PCDHGB2: variants seen among roughly 807,000 people sequenced by gnomAD.
PCDHGB2 encodes protocadherin gamma subfamily B, 2.
A neutral mutation model predicts 59.3 loss-of-function variants in PCDHGB2; 55 were observed. That is an observed-to-expected ratio of 0.93 (90% confidence interval 0.75 to 1.16). PCDHGB2 has a LOEUF of 1.16. Among genes scored for constraint, PCDHGB2 ranks in the 50% most tolerant of loss-of-function variants. The pLI is 0.00. For synonymous variants in PCDHGB2, 516 were observed against 512.0 expected (o/e 1.01, Z -0.11); for missense variants, 1,228 against 1,198.5 (o/e 1.02, Z -0.36).
At chr5:141,447,230 C>G (rs1309076828) in intron 1 of PCDHGB2, among the ~76,000 whole-genome samples, 1 of 152,132 alleles carries the variant, frequency 6.6e-6, no homozygotes, top group Non-Finnish European at 1.5e-5. Flanking sequence ...ACCTCCGCCT[C>G]CCGGGTTCAA....
intron 1 of PCDHGB2, among the ~76,000 whole-genome samples, chr5:141,434,767 C>T (rs2097715264): frequency 6.6e-6 from 1 of 151,182 alleles, no homozygotes. Flanking sequence ...CCACTTCACA[C>T]TTCTAAAAAA....
At chr5:141,499,686 T>C (rs1400567357) in intron 2 of PCDHGB2, among the ~76,000 whole-genome samples, 2 of 149,346 alleles carry the variant, frequency 1.3e-5, no homozygotes, top group East Asian at 2.0e-4. Context: ...CTTTAACAGA[T>C]GACTTTTTTT....
At chr5:141,404,097 T>C in intron 1 of PCDHGB2, 1 of 1,613,584 alleles carries the variant, frequency 6.2e-7, no homozygotes, top group Non-Finnish European at 8.5e-7. Flanking sequence ...AATGGTCAAG[T>C]TGTCTGTTCT....
chr5:141,413,967 G>C, intron 1 of PCDHGB2: 15 of 1,613,428 alleles, frequency 9.3e-6, no homozygotes, highest in Non-Finnish European at 1.2e-5. Context: ...TGGGCACTCA[G>C]CTGCTGACAG....
intron 1 of PCDHGB2, among the ~76,000 whole-genome samples, chr5:141,482,089 CA>C (rs36035257): frequency 0.43 from 58,297 of 134,322 alleles, 12,050 homozygotes; most frequent in African/African-American, 0.53. Context: ...CACTCCATCT[CA>C]AAAAAAAAAA....
intron 1 of PCDHGB2, chr5:141,393,205 C>A: frequency 6.2e-7 from 1 of 1,613,504 alleles, no homozygotes; most frequent in Non-Finnish European, 8.5e-7. Flanking sequence ...GATAATAACC[C>A]AAAATTCCAG....
chr5:141,482,103 A>C (rs34394498), intron 1 of PCDHGB2, among the ~76,000 whole-genome samples: 2 of 142,250 alleles, frequency 1.4e-5, no homozygotes, highest in Non-Finnish European at 3.0e-5. Flanking sequence ...AAAAAAAAAA[A>C]AATATCTAGA....
rs1481706003 is a variant in PCDHGB2, at chr5:141,491,416, G to A, written c.2422-3391G>A. On this transcript the variant is annotated intron_variant, in intron 1 of 3. Transcript: ENST00000522605. This position sits in a 1 kb window ranked among gnomAD's most constrained non-coding sequence, Gnocchi z 6.9. ...TCAGGGAAACGCAGACGGGGACGGG[G>A]GTGGAGGGCAGTGCTGCAGGCGCCA... 3 of 1,614,138 alleles carry A rather than the reference G, an allele frequency of 1.9e-6. No homozygotes were observed. The highest frequency in any genetic ancestry group is 2.2e-5 in the East Asian group (1 of 44,874).
In PCDHGB2 at chr5:141,494,748, C is replaced by T. The variant is rs566281527; in HGVS notation, c.2422-59C>T. On this transcript the variant is annotated intron_variant, in intron 1 of 3. Coordinates refer to ENST00000522605, the MANE Select transcript of PCDHGB2 (RefSeq NM_018923.3). ...CTCTCCCGGCCCATCCCTAGGGGCTCGGGTGACATTCTAACTTCTCACGGG... is the reference window on the plus strand; with the variant it reads ...CTCTCCCGGCCCATCCCTAGGGGCTTGGGTGACATTCTAACTTCTCACGGG... 1.4e-5 allele frequency: 22 copies of T among 1,613,104 alleles called. No individual in the cohort carries two copies. The East Asian group carries it at 4.2e-4, about 31-fold the overall frequency.
At chr5:141,366,829 T>A in intron 1 of PCDHGB2, 1 of 1,527,578 alleles carries the variant, frequency 6.5e-7, no homozygotes, top group Non-Finnish European at 8.8e-7. Flanking sequence ...ATATTCAGAA[T>A]CAGCTAGTTA....
intron 1 of PCDHGB2, chr5:141,439,888 A>G (rs2098137228): frequency 6.6e-6 from 1 of 152,384 alleles, no homozygotes. Context: ...TCTGGGTAGA[A>G]CCAAGGCGAC....
chr5:141,489,713 A>G lies in PCDHGB2; in HGVS notation c.2422-5094A>G. On this transcript the variant is annotated intron_variant, in intron 1 of 3. Coordinates refer to ENST00000522605, the MANE Select transcript of PCDHGB2 (RefSeq NM_018923.3). The surrounding 1 kb of genome is among the most constrained non-coding windows in gnomAD (Gnocchi z 4.5). The stretch of plus-strand genomic sequence containing the variant: ...GCACGATTCCCACTGGACAGTGCCC[A>G]GGATCCGGATGTGGGCACCAATACT... 1.9e-6 allele frequency: 3 copies of G among 1,614,162 alleles called. No individual in the cohort carries two copies. The highest frequency in any genetic ancestry group is 2.5e-6 in the Non-Finnish European group (3 of 1,179,968).
At chr5:141,388,784 T>A in intron 1 of PCDHGB2, 1 of 1,613,942 alleles carries the variant, frequency 6.2e-7, no homozygotes, top group Non-Finnish European at 8.5e-7. Flanking sequence ...GGGAAATTAC[T>A]GTTTTAAATA....
chr5:141,427,458 A>T (rs2097029342), intron 1 of PCDHGB2: 1 of 494,398 alleles, frequency 2.0e-6, no homozygotes, highest in African/African-American at 1.9e-5. Context: ...TCCTTTTAGA[A>T]TCGAATCTTC....
intron 1 of PCDHGB2, chr5:141,376,115 C>A: frequency 1.2e-6 from 2 of 1,613,870 alleles, no homozygotes; most frequent in Non-Finnish European, 8.5e-7. Flanking sequence ...CCTGGGCAGC[C>A]TCGAGCCCTC....
At chr5:141,464,883 T>G (rs995385615) in intron 1 of PCDHGB2, among the ~76,000 whole-genome samples, 1 of 152,086 alleles carries the variant, frequency 6.6e-6, no homozygotes, top group African/African-American at 2.4e-5. Flanking sequence ...GGACTACAGA[T>G]GGATGCCACC....
chr5:141,423,268 T>G (rs752667215), intron 1 of PCDHGB2: 1 of 1,613,552 alleles, frequency 6.2e-7, no homozygotes, highest in South Asian at 1.1e-5. Flanking sequence ...CAGCCTCGAG[T>G]CTCTGGCTAA....
chr5:141,473,017 A>AGAAG (rs1484773075), intron 1 of PCDHGB2, among the ~76,000 whole-genome samples: 3 of 151,764 alleles, frequency 2.0e-5, no homozygotes, highest in African/African-American at 4.8e-5. Flanking sequence ...AGAAAAAGAA[A>AGAAG]GAAGGAAGGA....
intron 1 of PCDHGB2, among the ~76,000 whole-genome samples, chr5:141,462,030 T>C (rs1283795051): frequency 3.9e-5 from 6 of 152,122 alleles, no homozygotes; most frequent in Non-Finnish European, 8.8e-5. Flanking sequence ...TTCATGTTGG[T>C]CAGGCGGGTC....
Sources: gnomAD v4.1 joint callset for allele counts (sites outside exome capture counted in the v4.1 genomes callset) on GRCh38, gnomAD v4.1.1 for gene constraint, Gnocchi (gnomAD v3.1) non-coding constraint, MANE v1.5 for transcripts, NCBI Gene and HGNC (gene_info 2026-07-23, HGNC 2026-07-21) for gene names.